The following DHRSX variants were observed in gnomAD, a reference collection of about 807,000 sequenced individuals.
DHRSX encodes polyprenol dehydrogenase.
A neutral mutation model predicts 34.0 loss-of-function variants in DHRSX; 31 were observed. The observed-to-expected ratio is 0.91, with a 90% CI of 0.69 to 1.23. The LOEUF (loss-of-function observed/expected upper bound fraction) is 1.23, where lower values mean the gene tolerates loss of function less well. DHRSX is among the 50% of genes most tolerant of loss of function. DHRSX has a pLI of 0.00. For missense variants in DHRSX, 414 were observed against 428.1 expected (o/e 0.97, Z 0.29); for synonymous variants, 201 against 183.8 (o/e 1.09, Z -0.76).
At chrX:2,310,983 T>A (rs1461787819) in intron 3 of DHRSX, among the ~76,000 whole-genome samples, 1 of 149,194 alleles carries the variant, frequency 6.7e-6, no homozygotes, top group Non-Finnish European at 1.5e-5. Flanking sequence ...ATCGCTTGAA[T>A]CCGGGAGGCG....
chrX:2,251,282 T>C (rs73183486), intron 5 of DHRSX, among the ~76,000 whole-genome samples: 23,420 of 152,182 alleles, frequency 0.15, 2,113 homozygotes, highest in Admixed American at 0.2. Flanking sequence ...AAATATCTGC[T>C]AGCCGTGATA....
At chrX:2,428,325 G>A in intron 1 of DHRSX, among the ~76,000 whole-genome samples, 1 of 152,242 alleles carries the variant, frequency 6.6e-6, no homozygotes, top group East Asian at 1.9e-4. Context: ...ACACACGTAT[G>A]TTTATTGCAG....
At chrX:2,442,882 G>T (rs1343063695) in intron 1 of DHRSX, among the ~76,000 whole-genome samples, 1 of 152,102 alleles carries the variant, frequency 6.6e-6, no homozygotes, top group Non-Finnish European at 1.5e-5. Context: ...CTTAAGGAAT[G>T]TTCCCCTCAA....
intron 6 of DHRSX, among the ~76,000 whole-genome samples, chrX:2,232,227 C>T (rs1399320765): frequency 5.9e-5 from 9 of 151,954 alleles, no homozygotes; most frequent in Non-Finnish European, 1.3e-4. Flanking sequence ...AACCTTCACA[C>T]TACACCCTTC....
intron 5 of DHRSX, among the ~76,000 whole-genome samples, chrX:2,250,724 CCT>C (rs1467965613): frequency 6.6e-6 from 1 of 152,112 alleles, no homozygotes; most frequent in Non-Finnish European, 1.5e-5. Flanking sequence ...GTGCTGACCT[CCT>C]CTGTCATCCT....
chrX:2,464,704 CTGAAGACGTT>C, intron 1 of DHRSX, among the ~76,000 whole-genome samples: 1 of 150,114 alleles, frequency 6.7e-6, no homozygotes, highest in East Asian at 2.0e-4. Context: ...AGGGAGGGCA[CTGAAGACGTT>C]CCCTAGGCAT....
chrX:2,244,712 TTTTA>T (rs1370159471), intron 5 of DHRSX, among the ~76,000 whole-genome samples: 1 of 151,476 alleles, frequency 6.6e-6, no homozygotes, highest in African/African-American at 2.4e-5. Flanking sequence ...TAAATTTTAT[TTTTA>T]TTTATTTATT....
intron 5 of DHRSX, among the ~76,000 whole-genome samples, chrX:2,248,548 G>A (rs1255029229): frequency 5.4e-5 from 8 of 147,532 alleles, no homozygotes; most frequent in African/African-American, 1.5e-4. Flanking sequence ...AGAAGGTGGA[G>A]GCTGCAATGA....
chrX:2,286,667 G>A (rs1043090692), intron 4 of DHRSX, among the ~76,000 whole-genome samples: 6 of 149,006 alleles, frequency 4.0e-5, no homozygotes, highest in African/African-American at 1.5e-4. Flanking sequence ...CTCTTTTCTA[G>A]AAGCTTCTGT....
intron 6 of DHRSX, among the ~76,000 whole-genome samples, chrX:2,230,004 CAT>C (rs2015835241): frequency 6.6e-6 from 1 of 152,108 alleles, no homozygotes; most frequent in African/African-American, 2.4e-5. Flanking sequence ...TTTGCTCATG[CAT>C]ATGTGCACAC....
chrX:2,464,189 A>G (rs2044446445), intron 1 of DHRSX, among the ~76,000 whole-genome samples: 1 of 103,552 alleles, frequency 9.7e-6, no homozygotes, highest in Admixed American at 8.5e-5. Flanking sequence ...TTTCCTAGGC[A>G]TGTGGCTAAG....
intron 3 of DHRSX, among the ~76,000 whole-genome samples, chrX:2,349,912 G>C (rs77556857): frequency 6.8e-6 from 1 of 147,576 alleles, no homozygotes. Flanking sequence ...GGTGGCAGGC[G>C]CCTGCAGTCC....
intron 3 of DHRSX, among the ~76,000 whole-genome samples, chrX:2,332,529 G>A (rs2042492370): frequency 1.3e-5 from 2 of 152,156 alleles, no homozygotes; most frequent in Non-Finnish European, 2.9e-5. Context: ...ATATCCAGAG[G>A]AGGCACAACA....
chrX:2,297,916 C>G (rs932682660), intron 3 of DHRSX, among the ~76,000 whole-genome samples: 24 of 151,868 alleles, frequency 1.6e-4, no homozygotes, highest in Admixed American at 2.6e-4. Flanking sequence ...CCACCACGCC[C>G]GGCTTATTTT....
chrX:2,331,449 T>TG (rs2042475104), intron 3 of DHRSX, among the ~76,000 whole-genome samples: 2 of 134,834 alleles, frequency 1.5e-5, no homozygotes, highest in South Asian at 5.0e-4. Context: ...TTTTTTTTTT[T>TG]TTTTTTTTTT....
At chrX:2,419,111 T>C (rs2043736899) in intron 2 of DHRSX, among the ~76,000 whole-genome samples, 1 of 152,216 alleles carries the variant, frequency 6.6e-6, no homozygotes, top group Non-Finnish European at 1.5e-5. Flanking sequence ...TGAATGTTTG[T>C]ATCCCTCCAA....
At chrX:2,349,619 G>A (rs1439194503) in intron 3 of DHRSX, among the ~76,000 whole-genome samples, 6 of 152,192 alleles carry the variant, frequency 3.9e-5, no homozygotes, top group African/African-American at 7.2e-5. Flanking sequence ...CTTGGGAGGC[G>A]GAGGTTGCAG....
intron 1 of DHRSX, among the ~76,000 whole-genome samples, chrX:2,464,345 A>G (rs1205240165): frequency 2.9e-5 from 2 of 68,210 alleles, no homozygotes; most frequent in Admixed American, 2.6e-4. Flanking sequence ...AATCCGGCCA[A>G]GGGCCGCTGA....
rs776958395 is a variant in DHRSX, at chrX:2,425,304, A to T, written c.110T>A (p.Val37Asp). Reference sequence around the variant, plus strand: ...GACACGGTCAGGTCGTGGGGGGAAAACTGAAAAAGAAGAAGAGAAAATCAT... The same window carrying T: ...GACACGGTCAGGTCGTGGGGGGAAATCTGAAAAAGAAGAAGAGAAAATCAT... ...RRCRGGFLEP[V>D]FPPRPDRVAI... The change falls in exon 2 of 7, where the codon GTT becomes GAT. Residue 37 changes from valine (V) to aspartate (D), a missense_variant and splice_region_variant. Transcript: ENST00000334651. 6.2e-7 allele frequency: 1 copy of T among 1,610,352 alleles called. No homozygotes were observed. The highest frequency in any genetic ancestry group is 1.1e-5 in the South Asian group (1 of 90,610).
Sources: gnomAD v4.1 joint callset for allele counts (sites outside exome capture counted in the v4.1 genomes callset) on GRCh38, gnomAD v4.1.1 for gene constraint, MANE v1.5 for transcripts, NCBI Gene and HGNC (gene_info 2026-07-23, HGNC 2026-07-21) for gene names.